The following SLC4A4 variants were observed in gnomAD, a reference collection of about 807,000 sequenced individuals.
SLC4A4 encodes solute carrier family 4 member 4, also known as electrogenic sodium bicarbonate cotransporter 1.
SLC4A4 carries 27 observed loss-of-function variants against 111.5 expected under a neutral mutation model. The ratio of observed to expected loss-of-function variants is 0.24; its 90% CI spans 0.18 to 0.33. SLC4A4 has a LOEUF of 0.33. Ranked by LOEUF, SLC4A4 falls within the 10% of genes least tolerant of loss-of-function variation. SLC4A4 has a pLI of 1.00. For missense variants in SLC4A4, 909 were observed against 1,315.5 expected (o/e 0.69, Z 4.78); for synonymous variants, 443 against 463.4 (o/e 0.96, Z 0.57).
intron 12 of SLC4A4, among the ~76,000 whole-genome samples, chr4:71,461,179 C>A (rs1726783304): frequency 6.6e-6 from 1 of 152,024 alleles, no homozygotes; most frequent in South Asian, 2.1e-4. Flanking sequence ...TTTCTTTTTG[C>A]TGTTATAAAC....
chr4:71,267,791 C>CAA (rs71212002), intron 3 of SLC4A4, among the ~76,000 whole-genome samples: 8 of 62,356 alleles, frequency 1.3e-4, no homozygotes, highest in African/African-American at 5.2e-4. Flanking sequence ...GAGAGTCTGC[C>CAA]AAAAAAAAAA....
intron 3 of SLC4A4, among the ~76,000 whole-genome samples, chr4:71,261,306 G>T (rs1333535717): frequency 6.6e-6 from 1 of 152,186 alleles, no homozygotes. Flanking sequence ...CTTGAATTTA[G>T]TCGGCAGTTG....
intron 12 of SLC4A4, among the ~76,000 whole-genome samples, chr4:71,455,772 T>C (rs1046738939): frequency 5.3e-5 from 8 of 152,202 alleles, no homozygotes; most frequent in Non-Finnish European, 1.5e-5. Context: ...ATTGTAATTC[T>C]TTGCAACCTC....
rs540579362 is a variant in SLC4A4 at position 71,122,365 on chromosome 4, T to C, written c.-2+29573T>C. Among the ~76,000 whole-genome samples, 83 of 149,062 alleles carry C rather than the reference T, an allele frequency of 5.6e-4. 1 individual carries two copies. Among genetic ancestry groups the C allele is most frequent in the Middle Eastern group, 7.0e-3 (2 of 284 alleles). ...ATCTGACAATTTTAGTCACCTTCAG[T>C]GAGAGGGCGATCTTAAAAACCTTTT... On this transcript the variant is annotated intron_variant, in intron 2 of 26. Coordinates refer to the SLC4A4 transcript ENST00000649996.
At chr4:71,177,827 A>T (rs1745148147) in intron 2 of SLC4A4, among the ~76,000 whole-genome samples, 2 of 152,196 alleles carry the variant, frequency 1.3e-5, no homozygotes, top group Admixed American at 1.3e-4. Flanking sequence ...CACCAAGCGG[A>T]CCTAATAGAT....
At chr4:71,448,012 A>T (rs1013501009) in intron 9 of SLC4A4, among the ~76,000 whole-genome samples, 2 of 152,140 alleles carry the variant, frequency 1.3e-5, no homozygotes, top group Admixed American at 6.5e-5. Flanking sequence ...GATATATGTC[A>T]AATATTCTTT....
chr4:71,313,674 A>G lies in SLC4A4; in HGVS notation c.254-25696A>G, dbSNP rs368784510. On this transcript the variant is annotated intron_variant, in intron 3 of 25. Transcript: ENST00000264485. ...TACAAAAACAAGCAATGGGGAAAGG[A>G]TTCCCTATTTAATAAACGGTGCTGG... is the stretch of plus-strand genomic sequence containing the variant. Among the ~76,000 whole-genome samples the G allele has an allele frequency of 3.6e-4, 55 of 152,338 alleles. No homozygotes were observed. In the South Asian group the frequency reaches 0.011, roughly 30 times the overall value.
At chr4:71,379,473 G>A (rs749581454) in intron 6 of SLC4A4, among the ~76,000 whole-genome samples, 4 of 152,036 alleles carry the variant, frequency 2.6e-5, no homozygotes, top group Non-Finnish European at 5.9e-5. Context: ...CTTATGTCCC[G>A]CAGGAGACTT....
intron 3 of SLC4A4, among the ~76,000 whole-genome samples, chr4:71,262,609 CT>C (rs1185196968): frequency 6.6e-6 from 1 of 152,132 alleles, no homozygotes; most frequent in Non-Finnish European, 1.5e-5. Flanking sequence ...CTGCCACTTC[CT>C]TTGAATTCCT....
intron 1 of SLC4A4, among the ~76,000 whole-genome samples, chr4:71,210,579 A>G (rs1045165075): frequency 5.3e-5 from 8 of 152,126 alleles, no homozygotes; most frequent in Admixed American, 2.6e-4. Context: ...CTCTTTCTCC[A>G]TCTGTCCTTC....
intron 12 of SLC4A4, among the ~76,000 whole-genome samples, chr4:71,461,793 A>G (rs1440746469): frequency 6.6e-6 from 1 of 152,186 alleles, no homozygotes; most frequent in Non-Finnish European, 1.5e-5. Context: ...TGTATACCCT[A>G]ATACAAGCTG....
At chr4:71,446,049 G>A (rs1725198392) in intron 8 of SLC4A4, among the ~76,000 whole-genome samples, 1 of 152,018 alleles carries the variant, frequency 6.6e-6, no homozygotes, top group South Asian at 2.1e-4. Flanking sequence ...CTTCAGAGCT[G>A]GTTTCTAAGC....
chr4:71,507,608 C>A (rs75095622), intron 16 of SLC4A4, among the ~76,000 whole-genome samples: 45 of 152,070 alleles, frequency 3.0e-4, no homozygotes, highest in South Asian at 6.2e-4. Context: ...TATTAGAGAC[C>A]GTCAAAGTGA....
chr4:71,090,063 C>T (rs968250207), intron 1 of SLC4A4, among the ~76,000 whole-genome samples: 1 of 152,028 alleles, frequency 6.6e-6, no homozygotes, highest in Non-Finnish European at 1.5e-5. Flanking sequence ...GCTTCCTCGC[C>T]AGTTTGTTTA....
At chr4:71,549,977 C>T (rs1735846249) in intron 20 of SLC4A4, among the ~76,000 whole-genome samples, 1 of 151,876 alleles carries the variant, frequency 6.6e-6, no homozygotes, top group South Asian at 2.1e-4. Context: ...TGAGCATGAG[C>T]TTTCTTTCCC....
At chr4:71,534,696 T>C (rs936882182) in intron 18 of SLC4A4, among the ~76,000 whole-genome samples, 3 of 152,154 alleles carry the variant, frequency 2.0e-5, no homozygotes, top group African/African-American at 7.2e-5. Flanking sequence ...GGAGTAACTA[T>C]CCTCAATAAA....
chr4:71,100,461 G>A (rs115526576), intron 2 of SLC4A4, among the ~76,000 whole-genome samples: 2,119 of 152,116 alleles, frequency 0.014, 64 homozygotes, highest in African/African-American at 0.048. Flanking sequence ...AATAATAAGA[G>A]CCATATATGA....
At chr4:71,275,933 T>C (rs1241399173) in intron 3 of SLC4A4, among the ~76,000 whole-genome samples, 2 of 152,202 alleles carry the variant, frequency 1.3e-5, no homozygotes, top group African/African-American at 4.8e-5. Flanking sequence ...CTCTGTTAAA[T>C]CCACGAGATG....
rs1375740226 is a variant in SLC4A4, at chr4:71,555,309, G to A, written c.2763+101G>A. On this transcript the variant is annotated intron_variant, in intron 21 of 25. Transcript: ENST00000264485. Reference sequence around the variant, plus strand: ...AGAAAAGTGCTAATCATTATTAACTGCTGAGTTTTTAAAATGCATTTATTT... The same window carrying A: ...AGAAAAGTGCTAATCATTATTAACTACTGAGTTTTTAAAATGCATTTATTT... 3 of 826,142 alleles carry A rather than the reference G, an allele frequency of 3.6e-6. No homozygotes were observed. The African/African-American group carries it at 5.0e-5, about 14-fold the overall frequency. 51.2% of individuals were successfully genotyped at this position (826,142 alleles called of 1,614,324 possible).
Sources: gnomAD v4.1 joint callset for allele counts (sites outside exome capture counted in the v4.1 genomes callset) on GRCh38, gnomAD v4.1.1 for gene constraint, MANE v1.5 for transcripts, NCBI Gene and HGNC (gene_info 2026-07-23, HGNC 2026-07-21) for gene names.